The following ETNK1 variants were observed in gnomAD, a reference collection of about 807,000 sequenced individuals.
ETNK1 encodes the protein ethanolamine kinase 1.
Under a neutral mutation model 45.1 loss-of-function variants are expected in ETNK1, and 8 were observed. The observed-to-expected ratio is 0.18, with a 90% CI of 0.10 to 0.32. The LOEUF (loss-of-function observed/expected upper bound fraction) is 0.32. Among genes scored for constraint, ETNK1 ranks in the 10% least tolerant of loss-of-function variants. The pLI is 1.00. For synonymous variants in ETNK1, 152 were observed against 151.9 expected (o/e 1.00, Z -0.01); for missense variants, 302 against 430.6 (o/e 0.70, Z 2.64).
intron 6 of ETNK1, among the ~76,000 whole-genome samples, chr12:22,682,799 C>T (rs182627949): frequency 6.6e-6 from 1 of 152,206 alleles, no homozygotes; most frequent in Admixed American, 6.6e-5. Flanking sequence ...TTAACATAGT[C>T]AAAAAGGCAA....
chr12:22,689,907 T>C lies in ETNK1; in HGVS notation c.*4953T>C, dbSNP rs994081835. On this transcript the variant is annotated 3_prime_UTR_variant, in exon 8 of 8. Transcript: ENST00000266517. ...CAAAGAGGAAACTTTTTGACTGTAC[T>C]GTATTTAGGAGCCTTTGTACAGCTT... 3.3e-5 allele frequency: 5 copies of C among 152,374 alleles called. No homozygotes were observed. Among genetic ancestry groups the C allele is most frequent in the Admixed American group, 1.3e-4 (2 of 15,280 alleles). The allele number at this position is 152,374 out of a possible 1,614,324, so 9.4% of individuals were successfully genotyped here.
intron 1 of ETNK1, among the ~76,000 whole-genome samples, chr12:22,627,758 TCA>T (rs150172366): frequency 7.2e-4 from 110 of 152,264 alleles, no homozygotes; most frequent in African/African-American, 2.5e-3. Context: ...TGTTTTTTTC[TCA>T]GTTTTTTTCT....
At chr12:22,672,543 A>G (rs1488309195) in intron 5 of ETNK1, among the ~76,000 whole-genome samples, 1 of 152,190 alleles carries the variant, frequency 6.6e-6, no homozygotes, top group Non-Finnish European at 1.5e-5. Flanking sequence ...AGCTGTGCAT[A>G]TAATAAAATA....
Position 22,681,092 on chromosome 12 carries a change from T to C in ETNK1, c.946-3391T>C, listed in dbSNP as rs182373361. Among the ~76,000 whole-genome samples the C allele has an allele frequency of 7.9e-5, 12 of 152,248 alleles. No homozygotes were observed. The South Asian group carries it at 1.2e-3, about 16-fold the overall frequency. On this transcript the variant is annotated intron_variant, in intron 6 of 7. Coordinates refer to ENST00000266517, the MANE Select transcript of ETNK1 (RefSeq NM_018638.5). ...ACAGAATTTATTATTTTTTTGGATGTACTTGTATTTTGGGGGGATGCAAAT... is the reference window on the plus strand; with the variant it reads ...ACAGAATTTATTATTTTTTTGGATGCACTTGTATTTTGGGGGGATGCAAAT...
At position 22,684,976 on chromosome 12, in the gene ETNK1, C is replaced by T; in HGVS notation, c.*22C>T. On this transcript the variant is annotated 3_prime_UTR_variant, in exon 8 of 8. Transcript: ENST00000266517. The stretch of plus-strand genomic sequence containing the variant: ...GTAAAGAAGAGATTTAATTATTCTC[C>T]AGTAGCTGAGCAATGCTTGTGAATC... 6.6e-7 allele frequency: 1 copy of T among 1,519,742 alleles called. No individual in the cohort carries two copies. Among genetic ancestry groups the T allele is most frequent in the Non-Finnish European group, 9.0e-7 (1 of 1,114,516 alleles). 94.1% of individuals were successfully genotyped at this position (1,519,742 alleles called of 1,614,324 possible).
chr12:22,655,509 G>A (rs780942504), intron 2 of ETNK1, among the ~76,000 whole-genome samples: 10 of 150,658 alleles, frequency 6.6e-5, no homozygotes, highest in Admixed American at 1.3e-4. Context: ...GCTACTTTTT[G>A]TACTTTTAGT....
At chr12:22,659,207 TA>T (rs1953974810) in intron 3 of ETNK1, 53 bp downstream of exon 3, 1 of 1,528,602 alleles carries the variant, frequency 6.5e-7, no homozygotes, top group Non-Finnish European at 8.9e-7. Flanking sequence ...TGCTCTATGA[TA>T]GGGTTTCAAA....
chr12:22,625,604 G>C lies in ETNK1; in HGVS notation c.156+18G>C, dbSNP rs1254055727. 6 of 1,560,082 alleles carry C rather than the reference G, an allele frequency of 3.8e-6. No homozygotes were observed. The Admixed American group carries it at 9.0e-5, about 23-fold the overall frequency. ...CCCTGCAGGTAACGCCCACACCTCAGCTCTGGGTCTCTTATGCCCCTCACG... is the reference window on the plus strand; with the variant it reads ...CCCTGCAGGTAACGCCCACACCTCACCTCTGGGTCTCTTATGCCCCTCACG... On this transcript the variant is annotated intron_variant, in intron 1 of 7. Coordinates refer to ENST00000266517, the MANE Select transcript of ETNK1 (RefSeq NM_018638.5).
At chr12:22,648,975 G>A (rs1178517913) in intron 2 of ETNK1, among the ~76,000 whole-genome samples, 1 of 151,960 alleles carries the variant, frequency 6.6e-6, no homozygotes, top group Non-Finnish European at 1.5e-5. Context: ...ATGTGATATG[G>A]AATATCTTTT....
At chr12:22,658,697 T>G (rs1223267832) in intron 2 of ETNK1, among the ~76,000 whole-genome samples, 1 of 152,118 alleles carries the variant, frequency 6.6e-6, no homozygotes, top group African/African-American at 2.4e-5. Flanking sequence ...GATGGAAAAT[T>G]AAGAGTAACA....
Position 22,690,597 on chromosome 12 carries a change from T to A in ETNK1, c.*5643T>A, listed in dbSNP as rs1233156118. The A allele has an allele frequency of 6.6e-6, 1 of 152,354 alleles. No individual in the cohort carries two copies. The highest frequency in any genetic ancestry group is 1.9e-4 in the East Asian group (1 of 5,202). The allele number at this position is 152,354 out of a possible 1,614,324, so 9.4% of individuals were successfully genotyped here. A position where few individuals can be genotyped will look rare whatever the true frequency, so the allele number is the denominator to read the frequency against. On this transcript the variant is annotated 3_prime_UTR_variant, in exon 8 of 8. Transcript: ENST00000266517. ...ACCATTGATTAAATGAAGGAATGTA[T>A]CTTTTTGAAGAGATTTATATTCTGT... is the stretch of plus-strand genomic sequence containing the variant.
In ETNK1 at chr12:22,673,658, T is replaced by C. The variant is rs1182447924; in HGVS notation, c.943T>C (p.Leu315=). Residue 315 remains leucine, a splice_region_variant and synonymous_variant, in exon 6 of 8, where the codon TTG becomes CTG. Transcript: ENST00000266517. Reference sequence around the variant, plus strand: ...CTTCATTCAAGTCAATCAGTTTGCATTGGTAAGTTTAAATGTACACAATTA... The same window carrying C: ...CTTCATTCAAGTCAATCAGTTTGCACTGGTAAGTTTAAATGTACACAATTA... ...ILFIQVNQFA[L]ASHFFWGLWA... 12 of 1,611,800 alleles carry C rather than the reference T, an allele frequency of 7.4e-6. No individual in the cohort carries two copies. The East Asian group carries it at 2.0e-4, about 27-fold the overall frequency.
At chr12:22,673,734 A>C (rs369325062) in intron 6 of ETNK1, 74 bp downstream of exon 6, 114 of 1,390,152 alleles carry the variant, frequency 8.2e-5, no homozygotes, top group Admixed American at 1.1e-4. Flanking sequence ...TCGTCATCTT[A>C]GACAATTTCC....
Position 22,650,324 on chromosome 12 carries a change from A to G in ETNK1, c.416+6302A>G, listed in dbSNP as rs985108112. On this transcript the variant is annotated intron_variant, in intron 2 of 7. Transcript: ENST00000266517. ...GACTTTCAGTACAGTGTTAAAAAGG[A>G]TTGGTGAAAAGTGATGTTCTTTCTT... 2.0e-5 allele frequency among the ~76,000 whole-genome samples: 3 copies of G among 151,142 alleles called. No individual in the cohort carries two copies. In the South Asian group the frequency reaches 6.2e-4, roughly 31 times the overall value.
intron 4 of ETNK1, among the ~76,000 whole-genome samples, chr12:22,664,927 C>T (rs527707109): frequency 1.6e-4 from 24 of 151,944 alleles, no homozygotes; most frequent in Non-Finnish European, 2.9e-4. Flanking sequence ...TGTTTCAGAC[C>T]CTTAATTTCT....
At chr12:22,657,091 G>A (rs1314453065) in intron 2 of ETNK1, among the ~76,000 whole-genome samples, 1 of 152,030 alleles carries the variant, frequency 6.6e-6, no homozygotes, top group African/African-American at 2.4e-5. Context: ...CCATCAAGTT[G>A]CCTGGTGCTT....
intron 2 of ETNK1, among the ~76,000 whole-genome samples, chr12:22,657,390 A>G (rs1267820614): frequency 6.6e-6 from 1 of 152,212 alleles, no homozygotes; most frequent in South Asian, 2.1e-4. Flanking sequence ...ACAGTGGCAT[A>G]AAGGAGAAAG....
intron 3 of ETNK1, among the ~76,000 whole-genome samples, chr12:22,660,055 AC>A (rs909574685): frequency 5.3e-5 from 8 of 149,800 alleles, no homozygotes; most frequent in Admixed American, 1.3e-4. Flanking sequence ...AAAAAAAAAA[AC>A]ACCGCAGTTT....
intron 3 of ETNK1, among the ~76,000 whole-genome samples, chr12:22,659,468 T>C (rs1386914296): frequency 6.6e-6 from 1 of 152,148 alleles, no homozygotes; most frequent in African/African-American, 2.4e-5. Flanking sequence ...TTTAAGATAC[T>C]GCAGGGTTGA....
Sources: allele counts gnomAD v4.1 joint callset (sites outside exome capture counted in the v4.1 genomes callset), GRCh38; gene constraint gnomAD v4.1.1; transcripts MANE v1.5; gene names NCBI Gene and HGNC (gene_info 2026-07-23, HGNC 2026-07-21).